PIK3R6: variants seen among roughly 807,000 people sequenced by gnomAD.
PIK3R6 encodes phosphoinositide-3-kinase regulatory subunit 6.
In PIK3R6, 91 loss-of-function variants were observed where a neutral mutation model predicts 84.9. The ratio of observed to expected loss-of-function variants is 1.07; its 90% CI spans 0.90 to 1.28. PIK3R6 has a LOEUF of 1.28. Ranked by LOEUF, PIK3R6 falls within the 50% of genes most tolerant of loss-of-function variation. The probability of loss-of-function intolerance (pLI) is 0.00; values close to 1 mark genes in which losing one functional copy is unlikely to be tolerated. For missense variants in PIK3R6, 996 were observed against 985.1 expected (o/e 1.01, Z -0.15); for synonymous variants, 416 against 411.4 (o/e 1.01, Z -0.13).
At position 8,826,017 on chromosome 17, in the gene PIK3R6, T is replaced by C. The variant is rs535440949; in HGVS notation, c.1515+1155A>G. Among the ~76,000 whole-genome samples, 62 of 152,232 alleles carry C rather than the reference T, an allele frequency of 4.1e-4. 1 individual carries two copies. Among genetic ancestry groups the C allele is most frequent in the African/African-American group, 1.4e-3 (57 of 41,544 alleles). Reference sequence around the variant, plus strand: ...CACGGTTGGGGTATGGCAGTGTGGGTTTGTGGTTAGGAGAGGGTGCTCTGG... The same window carrying C: ...CACGGTTGGGGTATGGCAGTGTGGGCTTGTGGTTAGGAGAGGGTGCTCTGG... On this transcript the variant is annotated intron_variant, in intron 13 of 19. Transcript: ENST00000619866.
At chr17:8,835,529 C>T (rs2088427524) in intron 7 of PIK3R6, 73 bp from the exon 8 acceptor site, 1 of 1,326,834 alleles carries the variant, frequency 7.5e-7, no homozygotes, top group Non-Finnish European at 1.0e-6. Flanking sequence ...GATGGGCACC[C>T]TCAGAGCTGT....
At chr17:8,853,190 T>A (rs966842791) in intron 1 of PIK3R6, among the ~76,000 whole-genome samples, 23 of 151,912 alleles carry the variant, frequency 1.5e-4, no homozygotes, top group African/African-American at 3.4e-4. Flanking sequence ...ATTTTTTTTT[T>A]AAATAAATAT....
At chr17:8,818,296 G>C (rs1222562842) in intron 18 of PIK3R6, among the ~76,000 whole-genome samples, 6 of 152,166 alleles carry the variant, frequency 3.9e-5, no homozygotes, top group Non-Finnish European at 1.5e-5. Flanking sequence ...AGCTAAGTGG[G>C]GAAGTGAAGT....
intron 1 of PIK3R6, among the ~76,000 whole-genome samples, chr17:8,855,415 C>T (rs2089111203): frequency 1.3e-5 from 2 of 151,798 alleles, no homozygotes; most frequent in African/African-American, 4.8e-5. Flanking sequence ...TAAATAAATA[C>T]TTTACTAAAA....
At chr17:8,841,722 G>A (rs921556496) in intron 2 of PIK3R6, among the ~76,000 whole-genome samples, 3 of 151,714 alleles carry the variant, frequency 2.0e-5, no homozygotes, top group Non-Finnish European at 2.9e-5. Flanking sequence ...AACCATGAAA[G>A]TGGTACAAGA....
At chr17:8,851,118 G>A (rs1386586403) in intron 1 of PIK3R6, among the ~76,000 whole-genome samples, 4 of 103,936 alleles carry the variant, frequency 3.8e-5, no homozygotes, top group Non-Finnish European at 6.3e-5. Context: ...ATCTAATAAA[G>A]GTAGTTAAAA....
rs780244562 is a variant in PIK3R6, at chr17:8,828,948, C to A, written c.932G>T (p.Arg311Leu). 6.6e-7 allele frequency: 1 copy of A among 1,506,188 alleles called. No homozygotes were observed. Among genetic ancestry groups the A allele is most frequent in the Non-Finnish European group, 8.9e-7 (1 of 1,127,472 alleles). The allele number at this position is 1,506,188 out of a possible 1,614,324, so 93.3% of individuals were successfully genotyped here. Residue 311 changes from arginine (R) to leucine (L), a missense_variant, in exon 11 of 20, where the codon CGC becomes CTC. Physicochemically the swap from Arg to Leu is moderately radical, Grantham distance 102 (BLOSUM62 -2). Coordinates refer to ENST00000619866, the MANE Select transcript of PIK3R6 (RefSeq NM_001010855.4). ...VLFLRPRSQL[R>L]LSADLEVLDL... is the part of the protein sequence containing the mutation. ...CAAGACCTCCAAGTCAGCACTGAGG[C>A]GCAGCTGGGATCTTGGGCGGAGGAA... is the stretch of plus-strand genomic sequence containing the variant.
rs2087366026 is a variant in PIK3R6 at position 8,811,800 on chromosome 17, C to G, written c.1995+7283G>C. On this transcript the variant is annotated intron_variant, in intron 18 of 19. Transcript: ENST00000619866. ...CCATTCAAAAAGTCTCTAGGAAGTT[C>G]CAAGCTTTCCCATTTTCCTGTCTTC... Among the ~76,000 whole-genome samples the G allele has an allele frequency of 2.0e-5, 3 of 148,104 alleles. 1 individual carries two copies. The Admixed American group carries it at 2.1e-4, about 10-fold the overall frequency.
rs2088013888 is a variant in PIK3R6 at position 8,828,167 on chromosome 17, C to A, written c.1337G>T (p.Cys446Phe). 2 of 1,613,860 alleles carry A rather than the reference C, an allele frequency of 1.2e-6. No homozygotes were observed. Among genetic ancestry groups the A allele is most frequent in the Non-Finnish European group, 1.7e-6 (2 of 1,179,878 alleles). ...CTGCAGGCTGAGTCTGGGAGTGAGG[C>A]AGAACTTCTGGGTCTCCCGTTTCCT... Reference protein sequence around the residue: ...RLRKRETQKFCLTPRLSLQLY... With the variant: ...RLRKRETQKFFLTPRLSLQLY... Residue 446 changes from cysteine to phenylalanine, a missense_variant, in exon 12 of 20, where the codon TGC becomes TTC. Transcript: ENST00000619866.
chr17:8,819,245 G>T (rs2087640126), intron 17 of PIK3R6, 47 bp from the exon 18 acceptor site: 2 of 1,393,050 alleles, frequency 1.4e-6, no homozygotes, highest in Non-Finnish European at 2.0e-6. Flanking sequence ...GGGAAGTAGG[G>T]GAGTTTGATA....
intron 7 of PIK3R6, among the ~76,000 whole-genome samples, chr17:8,835,901 C>T (rs929992443): frequency 6.6e-6 from 1 of 152,178 alleles, no homozygotes; most frequent in African/African-American, 2.4e-5. Context: ...CCCTCCTCCT[C>T]ACCCACTGTG....
rs1172027492 is a variant in PIK3R6 at position 8,835,406 on chromosome 17, G to A, written c.512C>T (p.Ala171Val). ...GGCCGCCTCGATCTCCAGTAGCAGA[G>A]CACTGCACACAGACGCAGACACCAG... ...PELVSASVCSALLLEIEAAQA... is the reference protein window; with the variant it reads ...PELVSASVCSVLLLEIEAAQA... Residue 171 changes from alanine (A) to valine (V), a missense_variant, in exon 8 of 20, where the codon GCT (alanine) becomes GTT (valine). Coordinates refer to ENST00000619866, the MANE Select transcript of PIK3R6 (RefSeq NM_001010855.4). 1.9e-6 allele frequency: 3 copies of A among 1,609,722 alleles called. No homozygotes were observed. Among genetic ancestry groups the A allele is most frequent in the South Asian group, 1.1e-5 (1 of 90,816 alleles).
chr17:8,858,310 C>CTTTTT (rs752142944), intron 1 of PIK3R6, among the ~76,000 whole-genome samples: 17 of 95,512 alleles, frequency 1.8e-4, no homozygotes, highest in Admixed American at 3.6e-4. Context: ...CTCAATTAAT[C>CTTTTT]TTTTTTTTTT....
At chr17:8,804,306 C>A (rs758775213) in intron 18 of PIK3R6, among the ~76,000 whole-genome samples, 153 bp from the exon 19 acceptor site, 2 of 152,198 alleles carry the variant, frequency 1.3e-5, no homozygotes, top group Non-Finnish European at 2.9e-5. Flanking sequence ...GACAACCCTG[C>A]ACAAACTGCT....
intron 4 of PIK3R6, 159 bp downstream of exon 4, chr17:8,838,405 T>C (rs1012484143): frequency 1.0e-5 from 6 of 600,188 alleles, no homozygotes; most frequent in Non-Finnish European, 1.7e-5. Context: ...GTAAAGAAAA[T>C]ACTGCTTACG....
intron 8 of PIK3R6, among the ~76,000 whole-genome samples, chr17:8,833,541 CTTTT>C (rs3884448): frequency 7.6e-6 from 1 of 130,784 alleles, no homozygotes; most frequent in African/African-American, 2.9e-5. Context: ...GAGAAAGTGA[CTTTT>C]TTTTTTTTTT....
At position 8,828,992 on chromosome 17, in the gene PIK3R6, T is replaced by C. The variant is rs767511048; in HGVS notation, c.890-2A>G. Reference sequence around the variant, plus strand: ...GGAGGAAGAGCACCAGTTCCTTCCCTGGGGTGGGGGAACAAGGGCGGTGAG... The same window carrying C: ...GGAGGAAGAGCACCAGTTCCTTCCCCGGGGTGGGGGAACAAGGGCGGTGAG... On this transcript the variant is annotated splice_acceptor_variant, in intron 10 of 19. Transcript: ENST00000619866. LOFTEE classifies it high-confidence loss of function. 1.2e-5 allele frequency: 18 copies of C among 1,493,830 alleles called. No individual in the cohort carries two copies. In the East Asian group the frequency reaches 1.7e-4, roughly 14 times the overall value. The allele number at this position is 1,493,830 out of a possible 1,614,324, so 92.5% of individuals were successfully genotyped here.
In PIK3R6 at chr17:8,844,933, C is replaced by T. The variant is rs1030468203; in HGVS notation, c.13+4849G>A. 2.6e-4 allele frequency among the ~76,000 whole-genome samples: 40 copies of T among 152,142 alleles called. No homozygotes were observed. Among genetic ancestry groups the T allele is most frequent in the Admixed American group, 2.6e-3 (40 of 15,270 alleles). ...GTGAGAACATGCAGTATTTGGCTTTCTGTTCCTACATTAATTTGCTTAGTG... is the reference window on the plus strand; with the variant it reads ...GTGAGAACATGCAGTATTTGGCTTTTTGTTCCTACATTAATTTGCTTAGTG... On this transcript the variant is annotated intron_variant, in intron 2 of 19. Coordinates refer to ENST00000619866, the MANE Select transcript of PIK3R6 (RefSeq NM_001010855.4). This position sits in a 1 kb window ranked among gnomAD's most constrained non-coding sequence, Gnocchi z 4.5.
chr17:8,836,734 A>G, intron 6 of PIK3R6, 57 bp downstream of exon 6: 2 of 1,609,896 alleles, frequency 1.2e-6, no homozygotes, highest in South Asian at 2.2e-5. Context: ...AAAAGGAAAG[A>G]CCCTGGGCAA....
Sources: gnomAD v4.1 joint callset for allele counts (sites outside exome capture counted in the v4.1 genomes callset) on GRCh38, gnomAD v4.1.1 for gene constraint, Gnocchi (gnomAD v3.1) non-coding constraint, MANE v1.5 for transcripts, NCBI Gene and HGNC (gene_info 2026-07-23, HGNC 2026-07-21) for gene names.